The following RYR3 variants were observed in gnomAD, a reference collection of about 807,000 sequenced individuals.
The protein encoded by RYR3 is ryanodine receptor 3, also known as brain ryanodine receptor-calcium release channel.
In RYR3, 207 loss-of-function variants were observed where a neutral mutation model predicts 584.3. That is an observed-to-expected ratio of 0.35 (90% CI 0.32 to 0.40). The LOEUF (loss-of-function observed/expected upper bound fraction) is 0.40. RYR3 is among the 10% of genes least tolerant of loss of function. The probability of loss-of-function intolerance (pLI) is 1.00; values close to 1 mark genes in which losing one functional copy is unlikely to be tolerated. For missense variants in RYR3, 5,616 were observed against 6,089.2 expected (o/e 0.92, Z 2.59); for synonymous variants, 2,416 against 2,248.5 (o/e 1.07, Z -2.11).
intron 3 of RYR3, among the ~76,000 whole-genome samples, chr15:33,527,359 T>C (rs182709900): frequency 2.0e-5 from 3 of 152,236 alleles, no homozygotes; most frequent in Admixed American, 6.5e-5. Flanking sequence ...GGTAGGTGGA[T>C]CACTTGAGGT....
At chr15:33,368,109 C>A (rs1975755590) in intron 1 of RYR3, among the ~76,000 whole-genome samples, 1 of 152,158 alleles carries the variant, frequency 6.6e-6, no homozygotes, top group African/African-American at 2.4e-5. Flanking sequence ...TTTCCTCACA[C>A]AATTTAATCA....
At chr15:33,664,589 G>GTGTGTGTATATATATATATATA (rs577496539) in intron 36 of RYR3, among the ~76,000 whole-genome samples, 1 of 91,354 alleles carries the variant, frequency 1.1e-5, no homozygotes, top group African/African-American at 4.4e-5. Flanking sequence ...GTGTGTGTGT[G>GTGTGTGTATATATATATATATA]TATATATATA....
rs1381682003 is a variant in RYR3, at chr15:33,529,712, T to C, written c.280-880T>C. Among the ~76,000 whole-genome samples, 7 of 152,310 alleles carry C rather than the reference T, an allele frequency of 4.6e-5. No homozygotes were observed. The South Asian group carries it at 1.4e-3, about 32-fold the overall frequency. The stretch of plus-strand genomic sequence containing the variant: ...GCTGGTTAGCATGATGAAGAGATAC[T>C]TAGGTGAGAGGTTGGAAATGTTGAT... On this transcript the variant is annotated intron_variant, in intron 3 of 103. Coordinates refer to ENST00000634891, the MANE Select transcript of RYR3 (RefSeq NM_001036.6).
rs1028041135 is a variant in RYR3 at position 33,794,148 on chromosome 15, A to G, written c.9830+5690A>G. Among the ~76,000 whole-genome samples, 217 of 114,566 alleles carry G rather than the reference A, an allele frequency of 1.9e-3. 3 individuals are homozygous for G. The highest frequency in any genetic ancestry group is 6.1e-3 in the African/African-American group (209 of 34,208). The allele number at this position is 114,566 out of a possible 152,430, so 75.2% of individuals were successfully genotyped here. On this transcript the variant is annotated intron_variant, in intron 67 of 103. Coordinates refer to ENST00000634891, the MANE Select transcript of RYR3 (RefSeq NM_001036.6). The stretch of plus-strand genomic sequence containing the variant: ...ATATATTTATATATAATATACATAA[A>G]TATATAATATATAATATATACAAAT...
chr15:33,543,520 T>C (rs2055998613), intron 7 of RYR3, 102 bp from the exon 8 acceptor site: 1 of 776,524 alleles, frequency 1.3e-6, no homozygotes, highest in Non-Finnish European at 2.3e-6. Context: ...TCTCAGTATT[T>C]ACCGTAACTG....
intron 65 of RYR3, among the ~76,000 whole-genome samples, chr15:33,782,411 G>C (rs997005196): frequency 6.6e-6 from 1 of 152,210 alleles, no homozygotes; most frequent in African/African-American, 2.4e-5. Context: ...AAAGAGACAA[G>C]GTTGTAATTA....
At chr15:33,359,775 A>C (rs2596180) in intron 1 of RYR3, among the ~76,000 whole-genome samples, 107,566 of 151,724 alleles carry the variant, frequency 0.71, 38,385 homozygotes, top group East Asian at 0.98. Context: ...CCCACCACCA[A>C]GCCTGGCTAA....
chr15:33,656,437 AGTATGTG>A (rs2062827527), intron 32 of RYR3, among the ~76,000 whole-genome samples: 2 of 152,150 alleles, frequency 1.3e-5, no homozygotes, highest in Non-Finnish European at 2.9e-5. Context: ...ATGCTCACCG[AGTATGTG>A]TTGCCAGACT....
chr15:33,385,503 G>T (rs1454624881), intron 1 of RYR3, among the ~76,000 whole-genome samples: 2 of 151,994 alleles, frequency 1.3e-5, no homozygotes, highest in African/African-American at 4.8e-5. Context: ...AGACTCCAAA[G>T]TTAAAAAGTA....
chr15:33,340,666 T>C (rs1567056389), intron 1 of RYR3, among the ~76,000 whole-genome samples: 1 of 152,164 alleles, frequency 6.6e-6, no homozygotes, highest in Non-Finnish European at 1.5e-5. Flanking sequence ...TTCCTCTTCT[T>C]ACAGGGACAC....
intron 48 of RYR3, among the ~76,000 whole-genome samples, chr15:33,735,023 A>G (rs2069318573): frequency 1.2e-4 from 1 of 8,330 alleles, no homozygotes; most frequent in Non-Finnish European, 2.2e-4. Flanking sequence ...AACAAAAAGT[A>G]GAGCTCACAG....
At chr15:33,725,877 G>A (rs1046333500) in intron 45 of RYR3, among the ~76,000 whole-genome samples, 1 of 145,498 alleles carries the variant, frequency 6.9e-6, no homozygotes, top group Non-Finnish European at 1.5e-5. Context: ...GGCTGAGGCA[G>A]GAGAATTGTG....
At chr15:33,717,692 C>T (rs2067601921) in intron 43 of RYR3, among the ~76,000 whole-genome samples, 1 of 152,154 alleles carries the variant, frequency 6.6e-6, no homozygotes, top group Non-Finnish European at 1.5e-5. Context: ...GCATTTATTT[C>T]TTACATATCT....
intron 28 of RYR3, 118 bp from the exon 29 acceptor site, chr15:33,646,233 C>A: frequency 1.2e-6 from 1 of 836,880 alleles, no homozygotes; most frequent in Admixed American, 2.4e-5. Flanking sequence ...TCACTGGACA[C>A]AACTTACTTC....
intron 21 of RYR3, among the ~76,000 whole-genome samples, chr15:33,629,162 G>C (rs946281950): frequency 7.2e-5 from 11 of 152,282 alleles, no homozygotes; most frequent in African/African-American, 2.4e-4. Flanking sequence ...TTTCACATGA[G>C]GATGGCTTCA....
rs200835906 is a variant in RYR3 at position 33,715,402 on chromosome 15, A to G, written c.6620-7313A>G. On this transcript the variant is annotated intron_variant, in intron 43 of 103. Coordinates refer to ENST00000634891, the MANE Select transcript of RYR3 (RefSeq NM_001036.6). ...ACCAATGGCAAAAGATTTAAATAAC[A>G]GTTTAAGACAAATAGGAACAACATC... 2.6e-5 allele frequency among the ~76,000 whole-genome samples: 4 copies of G among 152,256 alleles called. No individual in the cohort carries two copies. The East Asian group carries it at 5.8e-4, about 22-fold the overall frequency.
chr15:33,686,732 T>C (rs1304844296), intron 38 of RYR3, among the ~76,000 whole-genome samples: 4 of 152,220 alleles, frequency 2.6e-5, no homozygotes, highest in Non-Finnish European at 1.5e-5. Context: ...TCCAATCAAG[T>C]TGGCTTCATC....
intron 1 of RYR3, among the ~76,000 whole-genome samples, chr15:33,462,340 A>G (rs1395140133): frequency 6.6e-6 from 1 of 152,170 alleles, no homozygotes. Context: ...CTACATGCCG[A>G]GTATTTTAGT....
intron 12 of RYR3, among the ~76,000 whole-genome samples, chr15:33,575,609 A>G (rs1476931222): frequency 6.6e-6 from 1 of 152,194 alleles, no homozygotes; most frequent in Non-Finnish European, 1.5e-5. Flanking sequence ...GGATGCAGCT[A>G]AAGTAGTATT....
Sources: allele counts gnomAD v4.1 joint callset (sites outside exome capture counted in the v4.1 genomes callset), GRCh38; gene constraint gnomAD v4.1.1; transcripts MANE v1.5; gene names NCBI Gene and HGNC (gene_info 2026-07-23, HGNC 2026-07-21).